PHC2: variants seen among roughly 807,000 people sequenced by gnomAD.
The protein encoded by PHC2 is polyhomeotic-like protein 2.
Under a neutral mutation model 87.4 loss-of-function variants are expected in PHC2, and 29 were observed. The observed-to-expected ratio is 0.33, with a 90% CI of 0.25 to 0.45. PHC2 has a LOEUF of 0.45. Among genes scored for constraint, PHC2 ranks in the 20% least tolerant of loss-of-function variants. The pLI is 1.00. For synonymous variants in PHC2, 438 were observed against 461.7 expected (o/e 0.95, Z 0.66); for missense variants, 857 against 1,136.7 (o/e 0.75, Z 3.54).
At chr1:33,371,129 A>G (rs781511587) in intron 3 of PHC2, 35 bp from the exon 4 acceptor site, 1 of 1,552,708 alleles carries the variant, frequency 6.4e-7, no homozygotes, top group Non-Finnish European at 8.9e-7. Context: ...CTAGAGTCCC[A>G]GACCTCCCCC....
In PHC2 at chr1:33,375,370, A is replaced by G. The variant is rs148368561; in HGVS notation, c.170T>C (p.Val57Ala). 6.3e-7 allele frequency: 1 copy of G among 1,575,472 alleles called. No individual in the cohort carries two copies. Among genetic ancestry groups the G allele is most frequent in the African/African-American group, 1.4e-5 (1 of 73,650 alleles). ...CCAGATCAATTAGACTCTTACCTGC[A>G]CGGTCTGCCGGTCTGGAATACCACT... ...VYSGIPDRQT[V>A]QVIQQALHRQ... Residue 57 changes from valine (V) to alanine (A), a missense_variant, in exon 2 of 15, where the codon GTG becomes GCG. This residue lies in a region of PHC2 where 832 missense variants were observed against 1,081.8 expected (regional missense o/e 0.77). Transcript: ENST00000683057.
chr1:33,349,964 A>AGGGGCGGGGC lies in PHC2; in HGVS notation c.1558+4427_1558+4436dup. 2 of 82,760 alleles carry AGGGGCGGGGC rather than the reference A, an allele frequency of 2.4e-5. No homozygotes were observed. The highest frequency in any genetic ancestry group is 5.1e-5 in the Non-Finnish European group (2 of 39,602). The allele number at this position is 82,760 out of a possible 1,614,324, so 5.1% of individuals were successfully genotyped here. A position where few individuals can be genotyped will look rare whatever the true frequency, so the allele number is the denominator to read the frequency against. On this transcript the variant is annotated intron_variant, in intron 9 of 14. Coordinates refer to ENST00000683057, the MANE Select transcript of PHC2 (RefSeq NM_001385109.1). This position sits in a 1 kb window ranked among gnomAD's most constrained non-coding sequence, Gnocchi z 4.2. The stretch of plus-strand genomic sequence containing the variant: ...GGCGGGGCGAGGGAGCGGGGCGGGG[A>AGGGGCGGGGC]GGGGCGGGGCCGCGGGAGGGGCGGG...
rs911627981 is a variant in PHC2, at chr1:33,368,427, G to A, written c.663+109C>T. On this transcript the variant is annotated intron_variant, in intron 6 of 14. Transcript: ENST00000683057. This position sits in a 1 kb window ranked among gnomAD's most constrained non-coding sequence, Gnocchi z 6.6. ...GGGGCATTGGGGTGTCCTGTCTCCC[G>A]CCTGCTTTCCTAGCTGATCCCGGCC... 4.8e-5 allele frequency: 31 copies of A among 640,458 alleles called. No individual in the cohort carries two copies. The highest frequency in any genetic ancestry group is 2.5e-4 in the East Asian group (9 of 36,374). The allele number at this position is 640,458 out of a possible 1,614,324, so 39.7% of individuals were successfully genotyped here. A position where few individuals can be genotyped will look rare whatever the true frequency, so the allele number is the denominator to read the frequency against.
Position 33,355,236 on chromosome 1 carries a change from G to A in PHC2, c.994C>T (p.Pro332Ser). 6.3e-7 allele frequency: 1 copy of A among 1,581,386 alleles called. No homozygotes were observed. The highest frequency in any genetic ancestry group is 8.6e-7 in the Non-Finnish European group (1 of 1,161,894). ...LIAPAYAQLQ[P>S]HQLLPQPSSK... ...GATGGCTGTGGGAGGAGCTGGTGTG[G>A]CTGCAGCTGAGCATAGGCTGAAAGG... The change falls in exon 8 of 15, where the codon CCA (proline) becomes TCA (serine). Residue 332 changes from proline (P) to serine (S), a missense_variant. Physicochemically the swap from Pro to Ser is moderately conservative, Grantham distance 74 (BLOSUM62 -1). Transcript: ENST00000683057.
rs28562765 is a variant in PHC2 at position 33,356,291 on chromosome 1, A to T, written c.977-1038T>A. ...TATATATATATGTATATATATATAT[A>T]TATTTATTTATTTAGTATTTATTGA... On this transcript the variant is annotated intron_variant, in intron 7 of 14. Transcript: ENST00000683057. Among the ~76,000 whole-genome samples, 508 of 139,546 alleles carry T rather than the reference A, an allele frequency of 3.6e-3. 7 individuals are homozygous for T. The highest frequency in any genetic ancestry group is 0.013 in the African/African-American group (471 of 37,060). 91.5% of individuals were successfully genotyped at this position (139,546 alleles called of 152,430 possible).
chr1:33,341,408 G>C (rs1474468270), intron 9 of PHC2, among the ~76,000 whole-genome samples: 3 of 152,212 alleles, frequency 2.0e-5, no homozygotes, highest in African/African-American at 7.2e-5. Context: ...CTGAGGCAGA[G>C]GCCAGATATC....
chr1:33,355,044 T>G lies in PHC2; in HGVS notation c.1186A>C (p.Met396Leu), dbSNP rs768822816. 7 of 1,613,592 alleles carry G rather than the reference T, an allele frequency of 4.3e-6. No individual in the cohort carries two copies. The highest frequency in any genetic ancestry group is 5.9e-6 in the Non-Finnish European group (7 of 1,179,942). ...ALQPSSEAHA[M>L]PLGPVTPALP... ...GCGGGTGTAACCGGGCCTAGTGGCATGGCATGGGCCTCTGAGCTGGGCTGG... is the reference window on the plus strand; with the variant it reads ...GCGGGTGTAACCGGGCCTAGTGGCAGGGCATGGGCCTCTGAGCTGGGCTGG... The change falls in exon 8 of 15, where the codon ATG (methionine) becomes CTG (leucine). Residue 396 changes from methionine to leucine, a missense_variant. Physicochemically the swap from Met to Leu is conservative, Grantham distance 15. This residue lies in a region of PHC2 where 832 missense variants were observed against 1,081.8 expected (regional missense o/e 0.77). Coordinates refer to ENST00000683057, the MANE Select transcript of PHC2 (RefSeq NM_001385109.1).
chr1:33,419,834 C>T (rs1015527275), intron 1 of PHC2, among the ~76,000 whole-genome samples: 6 of 152,112 alleles, frequency 3.9e-5, no homozygotes, highest in Non-Finnish European at 8.8e-5. Flanking sequence ...TGGTCTCGAT[C>T]TCCTGACCTC....
At chr1:33,422,830 AT>A (rs530090850) in intron 1 of PHC2, among the ~76,000 whole-genome samples, 16 of 151,930 alleles carry the variant, frequency 1.1e-4, no homozygotes, top group Non-Finnish European at 2.2e-4. Flanking sequence ...AATTTACTGT[AT>A]ACTTTAGGCA....
chr1:33,337,355 C>T (rs1305413943), intron 9 of PHC2, among the ~76,000 whole-genome samples: 1 of 152,182 alleles, frequency 6.6e-6, no homozygotes, highest in Non-Finnish European at 1.5e-5. Flanking sequence ...CCTTATATAA[C>T]GAGCCCAAAA....
rs763441902 is a variant in PHC2, at chr1:33,324,992, C to T, written c.2453G>A (p.Arg818His). 2.5e-6 allele frequency: 4 copies of T among 1,613,228 alleles called. No individual in the cohort carries two copies. Among genetic ancestry groups the T allele is most frequent in the East Asian group, 2.2e-5 (1 of 44,890 alleles). ...PGCQEIAEEF[R>H]AQEIDGQALL... ...GGCTTGCCCGTCGATTTCCTGGGCA[C>T]GGAATTCCTCTGCTATCTCCTGGCA... The change falls in exon 15 of 15, where the codon CGT becomes CAT. Residue 818 changes from arginine to histidine, a missense_variant. Arg to His is a conservative substitution (Grantham distance 29). Around this residue, in one of 3 missense-constraint regions of PHC2, gnomAD observed 832 missense variants for 1,081.8 expected, o/e 0.77. Transcript: ENST00000683057.
chr1:33,413,941 T>C (rs796254661), intron 1 of PHC2, among the ~76,000 whole-genome samples: 6 of 152,318 alleles, frequency 3.9e-5, no homozygotes, highest in African/African-American at 1.4e-4. Flanking sequence ...AACTGAGTTA[T>C]GGTGCTACTG....
Position 33,380,369 on chromosome 1 carries a change from T to C in PHC2, c.-54-4776A>G, listed in dbSNP as rs886722372. Among the ~76,000 whole-genome samples, 6 of 152,226 alleles carry C rather than the reference T, an allele frequency of 3.9e-5. No homozygotes were observed. The East Asian group carries it at 1.2e-3, about 29-fold the overall frequency. ...GCCTATCCCCTAACCTCTAATCTAC[T>C]TTCATTCTCTATGAATTTGCCTGTT... On this transcript the variant is annotated intron_variant, in intron 1 of 14. Coordinates refer to ENST00000683057, the MANE Select transcript of PHC2 (RefSeq NM_001385109.1).
chr1:33,370,337 C>T, intron 5 of PHC2, 84 bp downstream of exon 5: 1 of 1,401,244 alleles, frequency 7.1e-7, no homozygotes, highest in South Asian at 1.3e-5. Context: ...TTCCTCCCCA[C>T]CCTTCTCCAG....
intron 9 of PHC2, chr1:33,346,161 TC>T: frequency 2.1e-6 from 2 of 965,834 alleles, no homozygotes; most frequent in Non-Finnish European, 2.4e-6. Context: ...TGGCACAAAG[TC>T]CCCATCAGAG....
intron 1 of PHC2, among the ~76,000 whole-genome samples, chr1:33,390,669 T>C (rs568104689): frequency 1.4e-5 from 2 of 145,488 alleles, no homozygotes; most frequent in Middle Eastern, 3.5e-3. Flanking sequence ...AGCACATAAA[T>C]ATAACAGGAG....
At position 33,367,376 on chromosome 1, in the gene PHC2, C is replaced by T; in HGVS notation, c.716G>A (p.Gly239Asp). 1 of 1,604,674 alleles carries T rather than the reference C, an allele frequency of 6.2e-7. No individual in the cohort carries two copies. Among genetic ancestry groups the T allele is most frequent in the South Asian group, 1.1e-5 (1 of 90,124 alleles). ...TQQTPAAAAS[G>D]PTPTQPVLPS... is the part of the protein sequence containing the mutation. ...CAGGACAGGCTGAGTGGGGGTGGGG[C>T]CCGAGGCTGCTGCCGCTGGTGTCTG... The change falls in exon 7 of 15, where the codon GGC becomes GAC. Residue 239 changes from glycine to aspartate, a missense_variant. Gly to Asp is a moderately conservative substitution (Grantham distance 94). Coordinates refer to ENST00000683057, the MANE Select transcript of PHC2 (RefSeq NM_001385109.1).
At chr1:33,371,139 C>G (rs749846801) in intron 3 of PHC2, 45 bp from the exon 4 acceptor site, 6 of 1,492,484 alleles carry the variant, frequency 4.0e-6, no homozygotes, top group Non-Finnish European at 5.6e-6. Context: ...AGACCTCCCC[C>G]AGTCACTCCT....
At chr1:33,363,386 G>GT (rs1202726582) in intron 7 of PHC2, 2 of 152,206 alleles carry the variant, frequency 1.3e-5, no homozygotes, top group African/African-American at 4.8e-5. Context: ...GTATGCTTTG[G>GT]TTTTTATTGG....
Sources: gnomAD v4.1 joint callset for allele counts (sites outside exome capture counted in the v4.1 genomes callset) on GRCh38, gnomAD v4.1.1 for gene constraint, gnomAD v4.1.1 regional missense constraint, Gnocchi (gnomAD v3.1) non-coding constraint, MANE v1.5 for transcripts, NCBI Gene and HGNC (gene_info 2026-07-23, HGNC 2026-07-21) for gene names.